The following CNTNAP2 variants were observed in gnomAD, a reference collection of about 807,000 sequenced individuals.
CNTNAP2 encodes the protein contactin-associated protein-like 2.
A neutral mutation model predicts 155.2 loss-of-function variants in CNTNAP2; 98 were observed. The ratio of observed to expected loss-of-function variants is 0.63; its 90% CI spans 0.54 to 0.75. The LOEUF (loss-of-function observed/expected upper bound fraction) is 0.75. Among genes scored for constraint, CNTNAP2 ranks in the 30% least tolerant of loss-of-function variants. The probability of loss-of-function intolerance (pLI) is 0.00; values close to 1 mark genes in which losing one functional copy is unlikely to be tolerated. For synonymous variants in CNTNAP2, 651 were observed against 631.2 expected (o/e 1.03, Z -0.47); for missense variants, 1,727 against 1,688.1 (o/e 1.02, Z -0.40).
At chr7:146,480,688 T>A (rs1394271258) in intron 1 of CNTNAP2, among the ~76,000 whole-genome samples, 7 of 126,962 alleles carry the variant, frequency 5.5e-5, no homozygotes, top group Middle Eastern at 4.4e-3. Flanking sequence ...TTTTTTTTCC[T>A]TTTTTTTTTT....
chr7:147,583,328 TG>T (rs1424357564), intron 12 of CNTNAP2, among the ~76,000 whole-genome samples: 1 of 151,896 alleles, frequency 6.6e-6, no homozygotes, highest in Non-Finnish European at 1.5e-5. Flanking sequence ...CGGCTAAGCC[TG>T]TTTGTTGCAT....
chr7:147,546,349 T>A (rs770282233), intron 11 of CNTNAP2, among the ~76,000 whole-genome samples: 3 of 152,160 alleles, frequency 2.0e-5, no homozygotes, highest in Non-Finnish European at 4.4e-5. Context: ...ATTAATAATT[T>A]TATTCAGATA....
chr7:147,422,946 A>G (rs1797319489), intron 10 of CNTNAP2, among the ~76,000 whole-genome samples: 1 of 152,214 alleles, frequency 6.6e-6, no homozygotes, highest in South Asian at 2.1e-4. Flanking sequence ...AGTTGGCAAA[A>G]GAAAAAAACA....
Position 147,911,223 on chromosome 7 carries a change from G to A in CNTNAP2, c.2255+7502G>A, listed in dbSNP as rs115363924. Reference sequence around the variant, plus strand: ...GCTCAAAGCCTGAGGATAGCCACCAGGGAAACACCAACTCCAAGTGAATGG... The same window carrying A: ...GCTCAAAGCCTGAGGATAGCCACCAAGGAAACACCAACTCCAAGTGAATGG... On this transcript the variant is annotated intron_variant, in intron 14 of 23. Coordinates refer to ENST00000361727, the MANE Select transcript of CNTNAP2 (RefSeq NM_014141.6). Among the ~76,000 whole-genome samples, 452 of 152,294 alleles carry A rather than the reference G, an allele frequency of 3.0e-3. 2 individuals are homozygous for A. Among genetic ancestry groups the A allele is most frequent in the African/African-American group, 0.011 (442 of 41,572 alleles).
chr7:147,128,940 T>C (rs1801295545), intron 7 of CNTNAP2, 104 bp downstream of exon 7: 1 of 1,486,906 alleles, frequency 6.7e-7, no homozygotes, highest in Non-Finnish European at 9.4e-7. Context: ...TTTCATCATA[T>C]TTGTGTTTGG....
intron 1 of CNTNAP2, among the ~76,000 whole-genome samples, chr7:146,744,344 T>G (rs1801773864): frequency 6.7e-6 from 1 of 149,590 alleles, no homozygotes; most frequent in African/African-American, 2.4e-5. Flanking sequence ...GAAGCTACCA[T>G]CAAAATTAAG....
rs79573400 is a variant in CNTNAP2, at chr7:147,960,452, T to C, written c.2256-17410T>C. On this transcript the variant is annotated intron_variant, in intron 14 of 23. Coordinates refer to ENST00000361727, the MANE Select transcript of CNTNAP2 (RefSeq NM_014141.6). The stretch of plus-strand genomic sequence containing the variant: ...AGTGGTGTTATTGAAAGTTCAGGTA[T>C]ATTCAATTATAACACATTTTAAATC... Among the ~76,000 whole-genome samples the C allele has an allele frequency of 7.0e-3, 1,062 of 152,282 alleles. 14 individuals carry two copies. Among genetic ancestry groups the C allele is most frequent in the African/African-American group, 0.025 (1,025 of 41,568 alleles).
At chr7:147,538,695 G>A (rs569987375) in intron 11 of CNTNAP2, among the ~76,000 whole-genome samples, 2 of 152,202 alleles carry the variant, frequency 1.3e-5, no homozygotes, top group African/African-American at 4.8e-5. Context: ...AGAGCCACCT[G>A]TAGTTTGGAT....
At chr7:146,668,474 C>G (rs908886687) in intron 1 of CNTNAP2, among the ~76,000 whole-genome samples, 2 of 116,536 alleles carry the variant, frequency 1.7e-5, no homozygotes, top group African/African-American at 3.3e-5. Context: ...GTGTGTGTGT[C>G]CTTATCTGGT....
chr7:147,903,873 C>A, intron 14 of CNTNAP2, 152 bp downstream of exon 14: 1 of 1,027,034 alleles, frequency 9.7e-7, no homozygotes, highest in Non-Finnish European at 1.5e-6. Context: ...ATGTCAGGAA[C>A]ATACTGAAAA....
chr7:147,718,744 C>A (rs1318822989), intron 13 of CNTNAP2, among the ~76,000 whole-genome samples: 1 of 152,092 alleles, frequency 6.6e-6, no homozygotes, highest in Non-Finnish European at 1.5e-5. Flanking sequence ...AAAAAACATA[C>A]CACATAGCCA....
intron 17 of CNTNAP2, among the ~76,000 whole-genome samples, chr7:148,153,835 G>A (rs6961110): frequency 5.9e-5 from 9 of 152,196 alleles, no homozygotes; most frequent in African/African-American, 1.2e-4. Context: ...ACACCACTGC[G>A]GGGAGCCAAG....
At chr7:147,760,664 C>G (rs948293562) in intron 13 of CNTNAP2, among the ~76,000 whole-genome samples, 1 of 152,148 alleles carries the variant, frequency 6.6e-6, no homozygotes, top group Non-Finnish European at 1.5e-5. Context: ...GAGGCTGAAT[C>G]TCAAGGCAAA....
At chr7:147,641,004 G>C (rs766018219) in intron 13 of CNTNAP2, among the ~76,000 whole-genome samples, 1 of 152,170 alleles carries the variant, frequency 6.6e-6, no homozygotes, top group African/African-American at 2.4e-5. Flanking sequence ...GGAGATATGT[G>C]GGGGCGGCCA....
intron 13 of CNTNAP2, among the ~76,000 whole-genome samples, chr7:147,659,302 A>G (rs1333671365): frequency 3.9e-5 from 6 of 152,234 alleles, no homozygotes; most frequent in Non-Finnish European, 1.5e-5. Context: ...GAATATGCAG[A>G]TGGAGTACTT....
chr7:148,323,088 A>C (rs1482560445), intron 21 of CNTNAP2, among the ~76,000 whole-genome samples: 2 of 151,900 alleles, frequency 1.3e-5, no homozygotes, highest in African/African-American at 4.8e-5. Context: ...TAGATGCTTT[A>C]CCTATGTTAC....
At chr7:147,316,082 G>A (rs1381898280) in intron 9 of CNTNAP2, among the ~76,000 whole-genome samples, 1 of 151,770 alleles carries the variant, frequency 6.6e-6, no homozygotes, top group Non-Finnish European at 1.5e-5. Flanking sequence ...ACCTATTTTT[G>A]ATTGCACATA....
intron 18 of CNTNAP2, among the ~76,000 whole-genome samples, chr7:148,191,960 G>T (rs1057237511): frequency 1.3e-5 from 2 of 152,198 alleles, no homozygotes; most frequent in African/African-American, 4.8e-5. Flanking sequence ...GAATGTAAAT[G>T]CAAGTGTTTT....
At chr7:147,399,705 T>G (rs539416191) in intron 10 of CNTNAP2, among the ~76,000 whole-genome samples, 1 of 152,292 alleles carries the variant, frequency 6.6e-6, no homozygotes, top group East Asian at 1.9e-4. Flanking sequence ...TGGATATATG[T>G]ATGTAACAAG....
Sources: allele counts gnomAD v4.1 joint callset (sites outside exome capture counted in the v4.1 genomes callset), GRCh38; gene constraint gnomAD v4.1.1; transcripts MANE v1.5; gene names NCBI Gene and HGNC (gene_info 2026-07-23, HGNC 2026-07-21).